Variants in MAML3 observed in about 807,000 individuals in gnomAD.
MAML3 encodes mastermind like transcriptional coactivator 3.
A neutral mutation model predicts 101.9 loss-of-function variants in MAML3; 27 were observed. The ratio of observed to expected loss-of-function variants is 0.27; its 90% CI spans 0.20 to 0.37. The LOEUF (loss-of-function observed/expected upper bound fraction) is 0.37, where lower values mean the gene tolerates loss of function less well. Among genes scored for constraint, MAML3 ranks in the 10% least tolerant of loss-of-function variants. MAML3 has a pLI of 1.00. For synonymous variants in MAML3, 501 were observed against 555.9 expected (o/e 0.90, Z 1.39); for missense variants, 1,316 against 1,444.9 (o/e 0.91, Z 1.45).
In MAML3 at chr4:139,718,934, G is replaced by A. The variant is rs747311048; in HGVS notation, c.*389C>T. On this transcript the variant is annotated 3_prime_UTR_variant, in exon 5 of 5. Transcript: ENST00000509479. ...TGTGTCTCCAAAGCTGCTGTCTCCCGACCTGGGGCAGGAGGGGCTGAGGAT... is the reference window on the plus strand; with the variant it reads ...TGTGTCTCCAAAGCTGCTGTCTCCCAACCTGGGGCAGGAGGGGCTGAGGAT... 2.8e-5 allele frequency: 5 copies of A among 180,724 alleles called. No individual in the cohort carries two copies. The highest frequency in any genetic ancestry group is 4.7e-5 in the Non-Finnish European group (4 of 85,822). The allele number at this position is 180,724 out of a possible 1,614,324, so 11.2% of individuals were successfully genotyped here.
At chr4:139,720,586 T>C (rs909557821) in intron 4 of MAML3, among the ~76,000 whole-genome samples, 2 of 152,236 alleles carry the variant, frequency 1.3e-5, no homozygotes, top group African/African-American at 4.8e-5. Flanking sequence ...TCCTATTCTT[T>C]TATTTGTATA....
In MAML3 at chr4:139,719,592, C is replaced by T; in HGVS notation, c.3148G>A (p.Gly1050Ser). 2 of 1,613,318 alleles carry T rather than the reference C, an allele frequency of 1.2e-6. No individual in the cohort carries two copies. Among genetic ancestry groups the T allele is most frequent in the Non-Finnish European group, 1.7e-6 (2 of 1,179,674 alleles). The change falls in exon 5 of 5, where the codon GGC becomes AGC. Residue 1050 changes from glycine to serine, a missense_variant. Coordinates refer to ENST00000509479, the MANE Select transcript of MAML3 (RefSeq NM_018717.5). ...TSQARPMVMSGLSQGVPGMPA... is the reference protein window; with the variant it reads ...TSQARPMVMSSLSQGVPGMPA... ...ATGCCTGGGACTCCCTGGCTCAGGC[C>T]AGACATGACCATTGGCCTCGCCTGG...
intron 2 of MAML3, among the ~76,000 whole-genome samples, chr4:139,742,523 C>A (rs71606855): frequency 1.2e-4 from 19 of 152,146 alleles, no homozygotes; most frequent in Non-Finnish European, 2.4e-4. Context: ...TTATAGTAGG[C>A]GCTCATAAAG....
chr4:139,799,243 A>G (rs1730566173), intron 2 of MAML3, among the ~76,000 whole-genome samples: 1 of 152,246 alleles, frequency 6.6e-6, no homozygotes, highest in Non-Finnish European at 1.5e-5. Flanking sequence ...TTAAGCGACC[A>G]ACTTCTAAAG....
At chr4:139,730,837 TACC>T (rs1461244638) in intron 2 of MAML3, 170 bp from the exon 3 acceptor site, 1 of 628,012 alleles carries the variant, frequency 1.6e-6, no homozygotes, top group African/African-American at 1.8e-5. Context: ...AACCCGACCT[TACC>T]TGAGTAGAAT....
chr4:139,977,924 G>A (rs1734376547), intron 1 of MAML3, among the ~76,000 whole-genome samples: 1 of 151,982 alleles, frequency 6.6e-6, no homozygotes, highest in African/African-American at 2.4e-5. Context: ...GATCTTCTAT[G>A]CTCTTTTCTG....
intron 1 of MAML3, among the ~76,000 whole-genome samples, chr4:140,031,611 A>G (rs1726910510): frequency 1.3e-5 from 2 of 152,240 alleles, no homozygotes; most frequent in African/African-American, 4.8e-5. Flanking sequence ...TTATACAAAG[A>G]TCTTCAATGA....
At chr4:140,081,374 G>T (rs1280683026) in intron 1 of MAML3, among the ~76,000 whole-genome samples, 2 of 152,062 alleles carry the variant, frequency 1.3e-5, no homozygotes, top group Non-Finnish European at 2.9e-5. Flanking sequence ...TCACTGAGAA[G>T]AAAAATAGTA....
chr4:140,040,540 C>A (rs1240834364), intron 1 of MAML3, among the ~76,000 whole-genome samples: 1 of 152,192 alleles, frequency 6.6e-6, no homozygotes, highest in Non-Finnish European at 1.5e-5. Flanking sequence ...CTTCCTCTAG[C>A]CCTTGGGCGC....
intron 2 of MAML3, among the ~76,000 whole-genome samples, chr4:139,755,902 G>A (rs747422317): frequency 6.6e-5 from 10 of 152,176 alleles, no homozygotes; most frequent in Non-Finnish European, 1.5e-4. Context: ...TGAACACTGT[G>A]GGGTCCAAAG....
intron 1 of MAML3, among the ~76,000 whole-genome samples, chr4:139,922,380 A>T (rs571595561): frequency 6.6e-6 from 1 of 152,298 alleles, no homozygotes; most frequent in East Asian, 1.9e-4. Context: ...GGAGAGAGAC[A>T]GCAAAAATGA....
rs547546242 is a variant in MAML3, at chr4:139,981,356, C to G, written c.469-90389G>C. 4.2e-4 allele frequency among the ~76,000 whole-genome samples: 64 copies of G among 152,294 alleles called. 1 individual carries two copies. Among genetic ancestry groups the G allele is most frequent in the Non-Finnish European group, 7.8e-4 (53 of 68,028 alleles). On this transcript the variant is annotated intron_variant, in intron 1 of 4. Coordinates refer to ENST00000509479, the MANE Select transcript of MAML3 (RefSeq NM_018717.5). ...CCTTATATGCAAGTATGGTTCTATT[C>G]TGAGGTACTAGGGCTTTAGAATTCA...
At chr4:140,110,488 A>G (rs1728423198) in intron 1 of MAML3, among the ~76,000 whole-genome samples, 1 of 152,246 alleles carries the variant, frequency 6.6e-6, no homozygotes, top group African/African-American at 2.4e-5. Context: ...ATTTGCATTC[A>G]GTACTGCATA....
intron 1 of MAML3, among the ~76,000 whole-genome samples, chr4:140,086,990 T>A (rs1223651704): frequency 6.6e-6 from 1 of 151,966 alleles, no homozygotes; most frequent in Non-Finnish European, 1.5e-5. Flanking sequence ...CGAAACCCCG[T>A]CTCTACTAAA....
At chr4:139,967,584 G>A (rs547964463) in intron 1 of MAML3, among the ~76,000 whole-genome samples, 4 of 151,998 alleles carry the variant, frequency 2.6e-5, no homozygotes, top group Non-Finnish European at 5.9e-5. Context: ...ATAAGGCGGT[G>A]AGAGAGAGTG....
chr4:140,062,835 T>C (rs76926455), intron 1 of MAML3, among the ~76,000 whole-genome samples: 2,763 of 152,358 alleles, frequency 0.018, 31 homozygotes, highest in South Asian at 0.042. Context: ...TTTCCACTTA[T>C]TTCCTCAACT....
chr4:139,747,412 G>A (rs1729360119), intron 2 of MAML3, among the ~76,000 whole-genome samples: 1 of 152,230 alleles, frequency 6.6e-6, no homozygotes, highest in Admixed American at 6.5e-5. Context: ...CTTCCTTGTA[G>A]GTCGGGCACA....
At chr4:139,860,943 T>C (rs1442874740) in intron 2 of MAML3, among the ~76,000 whole-genome samples, 3 of 152,200 alleles carry the variant, frequency 2.0e-5, no homozygotes, top group Non-Finnish European at 4.4e-5. Flanking sequence ...TGTTGAGGTA[T>C]TGTAGGTACT....
At position 140,068,582 on chromosome 4, in the gene MAML3, G is replaced by A. The variant is rs145540601; in HGVS notation, c.468+84278C>T. 6.0e-4 allele frequency among the ~76,000 whole-genome samples: 92 copies of A among 152,270 alleles called. No homozygotes were observed. The East Asian group carries it at 0.014, about 23-fold the overall frequency. The stretch of plus-strand genomic sequence containing the variant: ...CACTCTCCCAGTGTTAGAATGAAAC[G>A]AATATGGATTTAAATCCTAACCCGG... On this transcript the variant is annotated intron_variant, in intron 1 of 4. Coordinates refer to ENST00000509479, the MANE Select transcript of MAML3 (RefSeq NM_018717.5).
Sources: allele counts gnomAD v4.1 joint callset (sites outside exome capture counted in the v4.1 genomes callset), GRCh38; gene constraint gnomAD v4.1.1; transcripts MANE v1.5; gene names NCBI Gene and HGNC (gene_info 2026-07-23, HGNC 2026-07-21).